Variants in CHCHD3 observed in about 807,000 individuals in gnomAD.
The protein encoded by CHCHD3 is coiled-coil-helix-coiled-coil-helix domain containing 3.
CHCHD3 carries 20 observed loss-of-function variants against 38.2 expected under a neutral mutation model. The observed-to-expected ratio is 0.52, with a 90% CI of 0.37 to 0.76. The LOEUF (loss-of-function observed/expected upper bound fraction) is 0.76, where lower values mean the gene tolerates loss of function less well. Among genes scored for constraint, CHCHD3 ranks in the 30% least tolerant of loss-of-function variants. CHCHD3 has a pLI of 0.00. For synonymous variants in CHCHD3, 82 were observed against 100.0 expected, an observed-to-expected ratio of 0.82 and a Z score of 1.07; for missense variants, 245 against 279.2, an observed-to-expected ratio of 0.88 and a Z score of 0.87.
intron 7 of CHCHD3, among the ~76,000 whole-genome samples, chr7:132,795,845 GC>G (rs1438074353): frequency 6.6e-6 from 1 of 152,206 alleles, no homozygotes; most frequent in Non-Finnish European, 1.5e-5. Context: ...TAGAGAAAAT[GC>G]ACGTCCTGTG....
At chr7:133,042,572 C>T (rs1813862867) in intron 2 of CHCHD3, among the ~76,000 whole-genome samples, 2 of 152,176 alleles carry the variant, frequency 1.3e-5, no homozygotes. Flanking sequence ...CTGCAGAAAT[C>T]ATTCAAAACT....
At chr7:132,995,855 C>T (rs1247111994) in intron 3 of CHCHD3, among the ~76,000 whole-genome samples, 1 of 152,140 alleles carries the variant, frequency 6.6e-6, no homozygotes, top group Non-Finnish European at 1.5e-5. Flanking sequence ...TATTCCACTA[C>T]CAATAATATT....
chr7:133,020,226 G>A (rs1300518178), intron 3 of CHCHD3, among the ~76,000 whole-genome samples: 3 of 152,106 alleles, frequency 2.0e-5, no homozygotes, highest in Non-Finnish European at 4.4e-5. Flanking sequence ...ATATGTAAAT[G>A]TTTTGTAAAA....
At chr7:133,046,384 A>C (rs1165078252) in intron 2 of CHCHD3, among the ~76,000 whole-genome samples, 1 of 152,262 alleles carries the variant, frequency 6.6e-6, no homozygotes, top group Non-Finnish European at 1.5e-5. Flanking sequence ...ACACATTTTC[A>C]TAACACATTA....
intron 4 of CHCHD3, among the ~76,000 whole-genome samples, chr7:132,959,042 A>G (rs578198450): frequency 5.3e-5 from 8 of 152,200 alleles, no homozygotes; most frequent in Non-Finnish European, 1.0e-4. Context: ...CCTTAATTCT[A>G]TCTTGAGAGA....
At position 132,905,027 on chromosome 7, in the gene CHCHD3, T is replaced by C. The variant is rs536823674; in HGVS notation, c.370-19282A>G. On this transcript the variant is annotated intron_variant, in intron 4 of 7. Transcript: ENST00000262570. Reference sequence around the variant, plus strand: ...ACCAAACACTGCATGTTCTCATTCATAGGTGGGAATTGAACAATGAGAACA... The same window carrying C: ...ACCAAACACTGCATGTTCTCATTCACAGGTGGGAATTGAACAATGAGAACA... 2.7e-4 allele frequency among the ~76,000 whole-genome samples: 39 copies of C among 144,708 alleles called. No homozygotes were observed. In the South Asian group the frequency reaches 8.0e-3, roughly 30 times the overall value. The allele number at this position is 144,708 out of a possible 152,430, so 94.9% of individuals were successfully genotyped here.
chr7:132,977,222 T>A (rs1319810232), intron 3 of CHCHD3, among the ~76,000 whole-genome samples: 1 of 152,204 alleles, frequency 6.6e-6, no homozygotes, highest in African/African-American at 2.4e-5. Flanking sequence ...CCAGCTGCAG[T>A]AGCATCAGCT....
intron 4 of CHCHD3, among the ~76,000 whole-genome samples, chr7:132,909,399 G>A (rs1196232509): frequency 2.0e-5 from 3 of 152,156 alleles, no homozygotes; most frequent in African/African-American, 7.2e-5. Context: ...GCTGAGGCAG[G>A]AGAATCGCTT....
chr7:132,835,926 C>G (rs1412248285), intron 6 of CHCHD3, among the ~76,000 whole-genome samples: 1 of 152,160 alleles, frequency 6.6e-6, no homozygotes, highest in African/African-American at 2.4e-5. Flanking sequence ...TGTCAAGACA[C>G]AGGGAGCAGA....
chr7:132,787,154 A>T lies in CHCHD3; in HGVS notation c.661-1494T>A, dbSNP rs115588214. Among the ~76,000 whole-genome samples, 345 of 152,302 alleles carry T rather than the reference A, an allele frequency of 2.3e-3. 1 individual carries two copies. Among genetic ancestry groups the T allele is most frequent in the African/African-American group, 8.0e-3 (334 of 41,562 alleles). ...CTGAGGGGAGAGGCCTAGCTGGAAG[A>T]AAGGGTACATGCTCAGGACTGACCA... On this transcript the variant is annotated intron_variant, in intron 7 of 7. Coordinates refer to ENST00000262570, the MANE Select transcript of CHCHD3 (RefSeq NM_017812.4).
At chr7:132,807,644 T>TATATAC (rs1219596444) in intron 6 of CHCHD3, among the ~76,000 whole-genome samples, 2 of 120,288 alleles carry the variant, frequency 1.7e-5, no homozygotes, top group African/African-American at 6.4e-5. Context: ...TATATATATA[T>TATATAC]ACTTGACATA....
chr7:132,977,953 C>T (rs573848485), intron 3 of CHCHD3, among the ~76,000 whole-genome samples: 3 of 152,234 alleles, frequency 2.0e-5, no homozygotes, highest in Admixed American at 6.5e-5. Context: ...ACATATTTAG[C>T]TTGCCATGAC....
intron 4 of CHCHD3, among the ~76,000 whole-genome samples, chr7:132,894,207 T>C (rs1188486840): frequency 1.3e-5 from 2 of 152,186 alleles, no homozygotes; most frequent in Non-Finnish European, 2.9e-5. Flanking sequence ...GAACCAATTT[T>C]ATAAACTTTC....
intron 6 of CHCHD3, among the ~76,000 whole-genome samples, chr7:132,807,756 T>C (rs1806969051): frequency 6.8e-6 from 1 of 147,798 alleles, no homozygotes; most frequent in Admixed American, 6.7e-5. Flanking sequence ...AGCAGGGGAG[T>C]TGGATAGGTG....
At chr7:133,036,875 A>G (rs1006197394) in intron 2 of CHCHD3, among the ~76,000 whole-genome samples, 8 of 152,170 alleles carry the variant, frequency 5.3e-5, no homozygotes, top group Admixed American at 5.2e-4. Flanking sequence ...GTTTAAAGCC[A>G]TATATTCTTC....
At chr7:132,977,690 A>T (rs1336388078) in intron 3 of CHCHD3, among the ~76,000 whole-genome samples, 3 of 152,232 alleles carry the variant, frequency 2.0e-5, no homozygotes, top group Admixed American at 6.5e-5. Context: ...TTAGTTCATG[A>T]ACATAAAATG....
intron 2 of CHCHD3, among the ~76,000 whole-genome samples, chr7:133,064,238 C>T (rs1229138333): frequency 6.6e-6 from 1 of 152,184 alleles, no homozygotes; most frequent in Non-Finnish European, 1.5e-5. Context: ...TTCTTCAACC[C>T]TAGACTGTTG....
chr7:132,830,664 A>C (rs1285524946), intron 6 of CHCHD3: 1 of 152,242 alleles, frequency 6.6e-6, no homozygotes, highest in African/African-American at 2.4e-5. Flanking sequence ...TATATTCATA[A>C]GTACATTAAC....
intron 5 of CHCHD3, among the ~76,000 whole-genome samples, chr7:132,867,807 A>C (rs545998416): frequency 6.6e-6 from 1 of 152,352 alleles, no homozygotes. Context: ...TCTCAAAAGA[A>C]AAATGATTTT....
Sources: allele counts gnomAD v4.1 joint callset (sites outside exome capture counted in the v4.1 genomes callset), GRCh38; gene constraint gnomAD v4.1.1; transcripts MANE v1.5; gene names NCBI Gene and HGNC (gene_info 2026-07-23, HGNC 2026-07-21).